KCNH8: variants seen among roughly 807,000 people sequenced by gnomAD.
KCNH8 encodes potassium voltage-gated channel subfamily H member 8.
KCNH8 carries 70 observed loss-of-function variants against 103.6 expected under a neutral mutation model. That is an observed-to-expected ratio of 0.68 (90% CI 0.56 to 0.82). The LOEUF is 0.82. Ranked by LOEUF, KCNH8 falls within the 40% of genes least tolerant of loss-of-function variation. The probability of loss-of-function intolerance (pLI) is 0.00; values close to 1 mark genes in which losing one functional copy is unlikely to be tolerated. For synonymous variants in KCNH8, 498 were observed against 489.4 expected (o/e 1.02, Z -0.23); for missense variants, 1,217 against 1,329.9 (o/e 0.92, Z 1.32).
At chr3:19,511,909 C>G (rs1218665691) in intron 12 of KCNH8, among the ~76,000 whole-genome samples, 1 of 151,994 alleles carries the variant, frequency 6.6e-6, no homozygotes, top group Non-Finnish European at 1.5e-5. Context: ...AATATATACA[C>G]CATATACACC....
intron 15 of KCNH8, among the ~76,000 whole-genome samples, chr3:19,519,378 G>C (rs2068932338): frequency 6.6e-6 from 1 of 151,626 alleles, no homozygotes; most frequent in Admixed American, 6.6e-5. Flanking sequence ...CCAGTTATCT[G>C]TAATAAGGGC....
At chr3:19,501,441 C>T (rs982971565) in intron 11 of KCNH8, among the ~76,000 whole-genome samples, 3 of 152,290 alleles carry the variant, frequency 2.0e-5, no homozygotes, top group South Asian at 2.1e-4. Context: ...CCAGCATCAT[C>T]CTGATACCAA....
chr3:19,288,384 C>G (rs1347654768), intron 3 of KCNH8, among the ~76,000 whole-genome samples: 1 of 151,632 alleles, frequency 6.6e-6, no homozygotes, highest in African/African-American at 2.4e-5. Context: ...CCCCCCGTCC[C>G]CACACCCCAC....
chr3:19,452,150 G>C (rs368278966), intron 10 of KCNH8, among the ~76,000 whole-genome samples: 2 of 152,076 alleles, frequency 1.3e-5, no homozygotes, highest in Admixed American at 1.3e-4. Flanking sequence ...TTTTGCAGAC[G>C]AGGCAGGTGG....
intron 11 of KCNH8, among the ~76,000 whole-genome samples, chr3:19,466,870 A>G (rs935393652): frequency 6.6e-6 from 1 of 151,920 alleles, no homozygotes; most frequent in Non-Finnish European, 1.5e-5. Flanking sequence ...CATGTTGGTC[A>G]GGCTGGTCTC....
chr3:19,338,983 A>G (rs1340538131), intron 3 of KCNH8, among the ~76,000 whole-genome samples: 2 of 152,106 alleles, frequency 1.3e-5, no homozygotes, highest in East Asian at 1.9e-4. Flanking sequence ...TGTTATGTAT[A>G]TATGTACGTA....
At chr3:19,443,399 T>C (rs1056171939) in intron 8 of KCNH8, among the ~76,000 whole-genome samples, 32 of 149,948 alleles carry the variant, frequency 2.1e-4, no homozygotes, top group East Asian at 7.8e-4. Flanking sequence ...TATACATATA[T>C]ACACACACAC....
chr3:19,161,668 A>G (rs1421304146), intron 1 of KCNH8, among the ~76,000 whole-genome samples: 1 of 152,222 alleles, frequency 6.6e-6, no homozygotes, highest in Middle Eastern at 3.2e-3. Context: ...TTAAAAGGTC[A>G]TTAAAGATAA....
chr3:19,306,254 C>G (rs533503085), intron 3 of KCNH8, among the ~76,000 whole-genome samples: 1 of 152,058 alleles, frequency 6.6e-6, no homozygotes, highest in African/African-American at 2.4e-5. Context: ...AATACATTTC[C>G]TAAAATCTTA....
At chr3:19,418,978 T>C (rs887637466) in intron 7 of KCNH8, among the ~76,000 whole-genome samples, 2 of 152,128 alleles carry the variant, frequency 1.3e-5, no homozygotes, top group Non-Finnish European at 2.9e-5. Context: ...TCCACCGGAA[T>C]ACATTCCCCA....
intron 4 of KCNH8, among the ~76,000 whole-genome samples, chr3:19,347,186 G>T (rs1294438794): frequency 1.3e-5 from 2 of 152,042 alleles, no homozygotes; most frequent in African/African-American, 2.4e-5. Flanking sequence ...AATGAAAGTA[G>T]TTAGCACGAC....
At chr3:19,331,919 A>G (rs1044375452) in intron 3 of KCNH8, among the ~76,000 whole-genome samples, 1 of 152,296 alleles carries the variant, frequency 6.6e-6, no homozygotes, top group Admixed American at 6.5e-5. Context: ...ACAATGAAAT[A>G]CCCAGTCTCT....
At chr3:19,243,869 G>A (rs916424801) in intron 1 of KCNH8, among the ~76,000 whole-genome samples, 38 of 152,206 alleles carry the variant, frequency 2.5e-4, no homozygotes, top group African/African-American at 8.9e-4. Flanking sequence ...CTGTGCTTCT[G>A]GAGAATCAGG....
chr3:19,187,482 G>A (rs1287578738), intron 1 of KCNH8, among the ~76,000 whole-genome samples: 2 of 151,938 alleles, frequency 1.3e-5, no homozygotes, highest in African/African-American at 4.8e-5. Flanking sequence ...TGTATCACTG[G>A]GGTTATATCA....
At chr3:19,375,184 A>G (rs13086407) in intron 5 of KCNH8, among the ~76,000 whole-genome samples, 35,444 of 151,734 alleles carry the variant, frequency 0.23, 4,607 homozygotes, top group Middle Eastern at 0.31. Flanking sequence ...TCTCCTGGAT[A>G]ATATCCTGCA....
intron 5 of KCNH8, among the ~76,000 whole-genome samples, chr3:19,378,489 A>G (rs577098367): frequency 6.6e-6 from 1 of 152,340 alleles, no homozygotes; most frequent in African/African-American, 2.4e-5. Flanking sequence ...ACTCAAAGAA[A>G]ATATGAAGTA....
At chr3:19,258,953 A>G (rs901132636) in intron 2 of KCNH8, among the ~76,000 whole-genome samples, 1 of 87,304 alleles carries the variant, frequency 1.1e-5, no homozygotes, top group Non-Finnish European at 2.4e-5. Flanking sequence ...CTCTCTATAT[A>G]TATATATATA....
At chr3:19,237,157 G>A (rs1216663686) in intron 1 of KCNH8, among the ~76,000 whole-genome samples, 4 of 152,190 alleles carry the variant, frequency 2.6e-5, no homozygotes, top group Non-Finnish European at 5.9e-5. Flanking sequence ...CCACTTGATA[G>A]GAGGTCACAG....
At chr3:19,285,928 G>C (rs1251043635) in intron 3 of KCNH8, among the ~76,000 whole-genome samples, 1 of 152,212 alleles carries the variant, frequency 6.6e-6, no homozygotes, top group Non-Finnish European at 1.5e-5. Context: ...GTAGAGCAGA[G>C]TCAAGGAGAA....
Sources: gnomAD v4.1 joint callset for allele counts (sites outside exome capture counted in the v4.1 genomes callset) on GRCh38, gnomAD v4.1.1 for gene constraint, MANE v1.5 for transcripts, NCBI Gene and HGNC (gene_info 2026-07-23, HGNC 2026-07-21) for gene names.